The following SLC14A1 variants were observed in gnomAD, a reference collection of about 807,000 sequenced individuals.
SLC14A1 encodes the protein urea transporter 1.
In SLC14A1, 36 loss-of-function variants were observed where a neutral mutation model predicts 39.6. The ratio of observed to expected loss-of-function variants is 0.91; its 90% CI spans 0.70 to 1.20. The LOEUF (loss-of-function observed/expected upper bound fraction) is 1.20. Ranked by LOEUF, SLC14A1 falls within the 50% of genes most tolerant of loss-of-function variation. The pLI is 0.00. For synonymous variants in SLC14A1, 164 were observed against 173.6 expected, an observed-to-expected ratio of 0.94 and a Z score of 0.43; for missense variants, 469 against 478.7, an observed-to-expected ratio of 0.98 and a Z score of 0.19.
chr18:45,751,803 A>G lies in SLC14A1; in HGVS notation c.*1852A>G. On this transcript the variant is annotated 3_prime_UTR_variant, in exon 10 of 10. Coordinates refer to ENST00000321925, the MANE Select transcript of SLC14A1 (RefSeq NM_015865.7). ...TCTCAAAAAAATTAATTAATTAATT[A>G]ATTAATTAATTTAAAAAGGAAGTCA... 1 of 816,942 alleles carries G rather than the reference A, an allele frequency of 1.2e-6. No individual in the cohort carries two copies. The highest frequency in any genetic ancestry group is 1.5e-6 in the Non-Finnish European group (1 of 676,766). 50.6% of individuals were successfully genotyped at this position (816,942 alleles called of 1,614,324 possible).
At chr18:45,739,442 TC>T in intron 7 of SLC14A1, 85 bp from the exon 8 acceptor site, 1 of 1,607,364 alleles carries the variant, frequency 6.2e-7, no homozygotes, top group South Asian at 1.1e-5. Context: ...CCGGGATGCT[TC>T]CTGCTAACTT....
At position 45,736,577 on chromosome 18, in the gene SLC14A1, T is replaced by C; in HGVS notation, c.592T>C (p.Phe198Leu). The C allele has an allele frequency of 6.2e-7, 1 of 1,614,230 alleles. No homozygotes were observed. The highest frequency in any genetic ancestry group is 8.5e-7 in the Non-Finnish European group (1 of 1,180,020). ...LSATGHYNPFFPAKLVIPITT... is the reference protein window; with the variant it reads ...LSATGHYNPFLPAKLVIPITT... ...AGCCACAGGACATTACAATCCATTC[T>C]TTCCAGCCAAACTGGTCATACCTAT... The change falls in exon 6 of 10, where the codon TTT (phenylalanine) becomes CTT (leucine). Residue 198 changes from phenylalanine to leucine, a missense_variant. Coordinates refer to ENST00000321925, the MANE Select transcript of SLC14A1 (RefSeq NM_015865.7).
At chr18:45,727,299 G>T (rs1477711620) in intron 2 of SLC14A1, 2 of 1,551,374 alleles carry the variant, frequency 1.3e-6, no homozygotes, top group Admixed American at 3.9e-5. Context: ...GATTGGCGGC[G>T]CTGGTGACGC....
rs2047680430 is a variant in SLC14A1, at chr18:45,750,709, A to C, written c.*758A>C. ...AAAATGATCTGTTTTAAATGAGATAAAATAGGAGAAGTTCCTGGCTTAACC... is the reference window on the plus strand; with the variant it reads ...AAAATGATCTGTTTTAAATGAGATACAATAGGAGAAGTTCCTGGCTTAACC... On this transcript the variant is annotated 3_prime_UTR_variant, in exon 10 of 10. Transcript: ENST00000321925. The C allele has an allele frequency of 1.0e-6, 1 of 984,942 alleles. No homozygotes were observed. Among genetic ancestry groups the C allele is most frequent in the Non-Finnish European group, 1.2e-6 (1 of 829,488 alleles). The allele number at this position is 984,942 out of a possible 1,614,324, so 61.0% of individuals were successfully genotyped here.
intron 2 of SLC14A1, chr18:45,727,177 C>T (rs1425274540): frequency 7.3e-7 from 1 of 1,362,476 alleles, no homozygotes; most frequent in East Asian, 2.5e-5. Flanking sequence ...TCCAGCCCCC[C>T]TCAGCTTGCC....
At chr18:45,727,566 G>T in intron 2 of SLC14A1, 2 of 1,001,888 alleles carry the variant, frequency 2.0e-6, no homozygotes, top group Non-Finnish European at 2.8e-6. Flanking sequence ...AAAGCCCCAT[G>T]GCGCTCACCT....
chr18:45,729,170 G>T (rs4316845), intron 2 of SLC14A1: 63,132 of 151,902 alleles, frequency 0.42, 14,136 homozygotes, highest in East Asian at 0.52. Context: ...GTCTTATGTG[G>T]CTGTGGCTTC....
intron 5 of SLC14A1, among the ~76,000 whole-genome samples, chr18:45,735,192 A>T (rs116447192): frequency 1.3e-5 from 2 of 152,198 alleles, no homozygotes; most frequent in Admixed American, 1.3e-4. Flanking sequence ...AGATGACTCT[A>T]AAGTATAGCC....
intron 6 of SLC14A1, among the ~76,000 whole-genome samples, chr18:45,738,655 C>G (rs1457943036): frequency 1.3e-5 from 2 of 152,194 alleles, no homozygotes; most frequent in African/African-American, 4.8e-5. Flanking sequence ...ACAAGATAAC[C>G]TGGCTTTGGG....
chr18:45,734,101 C>T (rs537769753), intron 4 of SLC14A1, 173 bp from the exon 5 acceptor site: 8 of 771,880 alleles, frequency 1.0e-5, no homozygotes, highest in Non-Finnish European at 1.7e-5. Context: ...GTATATTTCA[C>T]TTCATGTCTT....
chr18:45,740,225 C>G (rs539491950), intron 8 of SLC14A1, among the ~76,000 whole-genome samples: 1 of 152,164 alleles, frequency 6.6e-6, no homozygotes, highest in Non-Finnish European at 1.5e-5. Context: ...ACAAACTAAA[C>G]GGGAATAACT....
At position 45,750,193 on chromosome 18, in the gene SLC14A1, G is replaced by C; in HGVS notation, c.*242G>C. The C allele has an allele frequency of 2.8e-6, 4 of 1,414,140 alleles. No individual in the cohort carries two copies. The highest frequency in any genetic ancestry group is 3.7e-6 in the Non-Finnish European group (4 of 1,087,904). 87.6% of individuals were successfully genotyped at this position (1,414,140 alleles called of 1,614,324 possible). The stretch of plus-strand genomic sequence containing the variant: ...GAATTTGAAACCCCAATGGGGCCTT[G>C]GCACTAAGACTGGAATGTATATAAA... On this transcript the variant is annotated 3_prime_UTR_variant, in exon 10 of 10. Coordinates refer to ENST00000321925, the MANE Select transcript of SLC14A1 (RefSeq NM_015865.7).
intron 8 of SLC14A1, among the ~76,000 whole-genome samples, chr18:45,740,520 CAAAA>C (rs10714760): frequency 0.022 from 2,965 of 132,516 alleles, 101 homozygotes; most frequent in African/African-American, 0.073. Context: ...GACTTCATCT[CAAAA>C]AAAAAAAAAA....
intron 3 of SLC14A1, 53 bp downstream of exon 3, chr18:45,730,524 T>G (rs982404410): frequency 6.3e-7 from 1 of 1,581,252 alleles, no homozygotes; most frequent in Non-Finnish European, 8.7e-7. Flanking sequence ...TTGGGGGAAA[T>G]GGTTTCCTGG....
chr18:45,748,629 T>G (rs1784692480), intron 9 of SLC14A1, among the ~76,000 whole-genome samples: 1 of 152,158 alleles, frequency 6.6e-6, no homozygotes, highest in African/African-American at 2.4e-5. Context: ...CACCCAGTTG[T>G]TACAAGTATC....
chr18:45,728,787 C>T (rs2046939825), intron 2 of SLC14A1, among the ~76,000 whole-genome samples: 1 of 151,848 alleles, frequency 6.6e-6, no homozygotes, highest in South Asian at 2.1e-4. Flanking sequence ...ATTGTTTTAC[C>T]GAGATAAAAT....
chr18:45,726,037 T>C (rs1281616380), intron 2 of SLC14A1, among the ~76,000 whole-genome samples: 1 of 152,186 alleles, frequency 6.6e-6, no homozygotes, highest in African/African-American at 2.4e-5. Context: ...TATTTCTTTG[T>C]TTTTAGCTTT....
At position 45,750,542 on chromosome 18, in the gene SLC14A1, T is replaced by C; in HGVS notation, c.*591T>C. 1.0e-6 allele frequency: 1 copy of C among 989,946 alleles called. No homozygotes were observed. Among genetic ancestry groups the C allele is most frequent in the Non-Finnish European group, 1.2e-6 (1 of 832,566 alleles). The allele number at this position is 989,946 out of a possible 1,614,324, so 61.3% of individuals were successfully genotyped here. ...TATCCCTTGTGTGTGTGACATTCTC[T>C]CATGGGACAATGTTGGGGTTTTTCA... On this transcript the variant is annotated 3_prime_UTR_variant, in exon 10 of 10. Transcript: ENST00000321925.
intron 4 of SLC14A1, chr18:45,731,731 T>C (rs8099449): frequency 0.44 from 85,038 of 191,472 alleles, 19,913 homozygotes; most frequent in East Asian, 0.53. Context: ...TTCTGATATA[T>C]TGATTAGATT....
Sources: gnomAD v4.1 joint callset for allele counts (sites outside exome capture counted in the v4.1 genomes callset) on GRCh38, gnomAD v4.1.1 for gene constraint, MANE v1.5 for transcripts, NCBI Gene and HGNC (gene_info 2026-07-23, HGNC 2026-07-21) for gene names.